CYP7B1: variants seen among roughly 807,000 people sequenced by gnomAD.
CYP7B1 encodes cytochrome P450 7B1.
A neutral mutation model predicts 42.7 loss-of-function variants in CYP7B1; 29 were observed. That is an observed-to-expected ratio of 0.68 (90% confidence interval 0.51 to 0.93). The LOEUF is 0.93. CYP7B1 is among the 40% of genes least tolerant of loss of function. CYP7B1 has a pLI of 0.00. For synonymous variants in CYP7B1, 235 were observed against 218.2 expected (o/e 1.08, Z -0.68); for missense variants, 655 against 600.5 (o/e 1.09, Z -0.95).
chr8:64,642,374 G>T (rs898830170), intron 1 of CYP7B1, among the ~76,000 whole-genome samples: 3 of 151,822 alleles, frequency 2.0e-5, no homozygotes, highest in African/African-American at 7.3e-5. Flanking sequence ...CCCTAAGTGT[G>T]TCTTCCTGTT....
intron 5 of CYP7B1, 117 bp from the exon 6 acceptor site, chr8:64,597,046 A>G: frequency 1.1e-6 from 1 of 873,442 alleles, no homozygotes; most frequent in Non-Finnish European, 1.7e-6. Context: ...TCAGGTGAAC[A>G]CCAGAAAAAC....
At chr8:64,609,673 C>T (rs1805335916) in intron 4 of CYP7B1, among the ~76,000 whole-genome samples, 1 of 152,174 alleles carries the variant, frequency 6.6e-6, no homozygotes, top group Non-Finnish European at 1.5e-5. Context: ...TGTCCCTAGA[C>T]ACCATGCTTC....
intron 1 of CYP7B1, among the ~76,000 whole-genome samples, chr8:64,636,394 T>C (rs974765550): frequency 6.6e-6 from 1 of 152,178 alleles, no homozygotes; most frequent in African/African-American, 2.4e-5. Context: ...TTGATGAATA[T>C]AAAAAACTGA....
intron 1 of CYP7B1, among the ~76,000 whole-genome samples, chr8:64,668,699 T>C (rs1806319710): frequency 1.4e-5 from 2 of 147,646 alleles, no homozygotes; most frequent in Admixed American, 6.7e-5. Flanking sequence ...AAAAAAAATC[T>C]CTATTAAACT....
At chr8:64,587,743 T>C (rs1387978201), downstream of CYP7B1, 4 of 152,260 alleles carry the variant, frequency 2.6e-5, no homozygotes, top group African/African-American at 9.6e-5. Context: ...ATTTTCCTTC[T>C]TTCTCTTCTC....
intron 1 of CYP7B1, among the ~76,000 whole-genome samples, chr8:64,686,718 C>T (rs1178177914): frequency 5.8e-4 from 43 of 74,584 alleles, no homozygotes; most frequent in African/African-American, 2.0e-3. Context: ...ATTGAGAAAT[C>T]GGATGGTTGC....
In CYP7B1 at chr8:64,596,853, C is replaced by T. The variant is rs886063072; in HGVS notation, c.1310G>A (p.Cys437Tyr). 13 of 1,613,912 alleles carry T rather than the reference C, an allele frequency of 8.1e-6. No homozygotes were observed. The highest frequency in any genetic ancestry group is 9.3e-6 in the Non-Finnish European group (11 of 1,179,960). The change falls in exon 6 of 6, where the codon TGT becomes TAT. Residue 437 changes from cysteine to tyrosine, a missense_variant. Coordinates refer to ENST00000310193, the MANE Select transcript of CYP7B1 (RefSeq NM_004820.5). ...TCCAGTTCCAAACGGCATTAGGTAA[C>T]ACTTCAGCTTTTTCCCTCTTTTGAA... Reference protein sequence around the residue: ...TFFKRGKKLKCYLMPFGTGTS... With the variant: ...TFFKRGKKLKYYLMPFGTGTS...
At chr8:64,783,360 T>A (rs1804462677) in intron 1 of CYP7B1, among the ~76,000 whole-genome samples, 1 of 152,114 alleles carries the variant, frequency 6.6e-6, no homozygotes, top group Admixed American at 6.6e-5. Context: ...TCAAAACAAC[T>A]CATTATCTAC....
chr8:64,632,038 C>T (rs1805704462), intron 1 of CYP7B1, among the ~76,000 whole-genome samples: 1 of 151,944 alleles, frequency 6.6e-6, no homozygotes, highest in Admixed American at 6.6e-5. Flanking sequence ...AATAGAATTA[C>T]CATATGATCT....
intron 2 of CYP7B1, among the ~76,000 whole-genome samples, chr8:64,622,176 T>C (rs1306690297): frequency 6.6e-6 from 1 of 152,240 alleles, no homozygotes; most frequent in Non-Finnish European, 1.5e-5. Flanking sequence ...CTGCATAAAA[T>C]GCATTATTTG....
rs1011061088 is a variant in CYP7B1, at chr8:64,651,296, C to G, written c.123-26757G>C. 3.9e-5 allele frequency among the ~76,000 whole-genome samples: 6 copies of G among 152,222 alleles called. 1 individual carries two copies. Among genetic ancestry groups the G allele is most frequent in the Non-Finnish European group, 8.8e-5 (6 of 68,040 alleles). ...GAACTGCATGATACACAGGTCCATA[C>G]TAGTCTGCAGCTCTTTCAATAAAAC... On this transcript the variant is annotated intron_variant, in intron 1 of 5. Transcript: ENST00000310193.
intron 1 of CYP7B1, among the ~76,000 whole-genome samples, chr8:64,748,482 T>A (rs1023806435): frequency 2.6e-5 from 4 of 152,192 alleles, no homozygotes; most frequent in African/African-American, 9.7e-5. Flanking sequence ...GATCATTCAT[T>A]CTGCTATTCA....
intron 1 of CYP7B1, among the ~76,000 whole-genome samples, chr8:64,775,116 T>C (rs1804302254): frequency 6.6e-6 from 1 of 152,174 alleles, no homozygotes; most frequent in Admixed American, 6.5e-5. Flanking sequence ...TTGTCTCTGA[T>C]TTAGATCTCC....
At chr8:64,725,898 C>A (rs1807316318) in intron 1 of CYP7B1, among the ~76,000 whole-genome samples, 1 of 152,186 alleles carries the variant, frequency 6.6e-6, no homozygotes, top group Non-Finnish European at 1.5e-5. Flanking sequence ...CAAAAGCCCA[C>A]CCTTCTCAGT....
At chr8:64,644,771 T>C (rs1384867634) in intron 1 of CYP7B1, among the ~76,000 whole-genome samples, 1 of 152,140 alleles carries the variant, frequency 6.6e-6, no homozygotes, top group Non-Finnish European at 1.5e-5. Flanking sequence ...TTTATTATTA[T>C]TATTATACTT....
chr8:64,771,919 C>G (rs1804240617), intron 1 of CYP7B1, among the ~76,000 whole-genome samples: 1 of 152,236 alleles, frequency 6.6e-6, no homozygotes, highest in Admixed American at 6.5e-5. Flanking sequence ...GACCCTGCAT[C>G]CTGTCCAGCA....
intron 2 of CYP7B1, 133 bp from the exon 3 acceptor site, chr8:64,616,414 T>C (rs1466456777): frequency 9.1e-6 from 6 of 661,534 alleles, no homozygotes; most frequent in Non-Finnish European, 1.6e-5. Context: ...TTAATACAAA[T>C]CCATTTCATT....
rs374424977 is a variant in CYP7B1, at chr8:64,760,577, T to C, written c.122+37889A>G. 3.9e-5 allele frequency among the ~76,000 whole-genome samples: 6 copies of C among 152,064 alleles called. 1 individual carries two copies. In the South Asian group the frequency reaches 1.2e-3, roughly 32 times the overall value. On this transcript the variant is annotated intron_variant, in intron 1 of 5. Coordinates refer to ENST00000310193, the MANE Select transcript of CYP7B1 (RefSeq NM_004820.5). The stretch of plus-strand genomic sequence containing the variant: ...GACATTTATATCAAGGACACAAAAA[T>C]GGCCACCAGGTACATGAAAAGGTGG...
At chr8:64,786,485 T>C (rs1563427933) in intron 1 of CYP7B1, among the ~76,000 whole-genome samples, 1 of 152,176 alleles carries the variant, frequency 6.6e-6, no homozygotes, top group East Asian at 1.9e-4. Flanking sequence ...TCCAAAATAA[T>C]CTCTGTTGAC....
Sources: allele counts gnomAD v4.1 joint callset (sites outside exome capture counted in the v4.1 genomes callset), GRCh38; gene constraint gnomAD v4.1.1; transcripts MANE v1.5; gene names NCBI Gene and HGNC (gene_info 2026-07-23, HGNC 2026-07-21).